Variants in KDM5B observed in about 807,000 individuals in gnomAD.
KDM5B encodes the protein lysine-specific demethylase 5B.
A neutral mutation model predicts 193.4 loss-of-function variants in KDM5B; 144 were observed. The ratio of observed to expected loss-of-function variants is 0.74; its 90% CI spans 0.65 to 0.86. KDM5B has a LOEUF of 0.86. Among genes scored for constraint, KDM5B ranks in the 40% least tolerant of loss-of-function variants. KDM5B has a pLI of 0.00. For missense variants in KDM5B, 1,833 were observed against 1,886.9 expected (o/e 0.97, Z 0.53); for synonymous variants, 668 against 682.6 (o/e 0.98, Z 0.33).
At chr1:202,773,354 T>TC in intron 3 of KDM5B, 66 bp from the exon 4 acceptor site, 3 of 1,376,124 alleles carry the variant, frequency 2.2e-6, no homozygotes, top group Non-Finnish European at 3.0e-6. Flanking sequence ...TAAGTATGAC[T>TC]CCAAGGGGAA....
rs1655394529 is a variant in KDM5B, at chr1:202,742,694, G to A, written c.2435C>T (p.Ser812Phe). ...GCCATTAAGCAACTGCTGCGCAACA[G>A]AGGCACACTTCTCTGCATCCTGTGT... ...LVTQDAEKCA[S>F]VAQQLLNGKR... Residue 812 changes from serine to phenylalanine, a missense_variant, in exon 17 of 27, where the codon TCT becomes TTT. Ser to Phe is a radical substitution (Grantham distance 155). Transcript: ENST00000367265. The A allele has an allele frequency of 1.2e-6, 2 of 1,614,204 alleles. No homozygotes were observed. The highest frequency in any genetic ancestry group is 8.5e-7 in the Non-Finnish European group (1 of 1,180,036).
intron 11 of KDM5B, 103 bp downstream of exon 11, chr1:202,755,168 G>T: frequency 4.8e-6 from 4 of 831,580 alleles, no homozygotes; most frequent in Non-Finnish European, 7.7e-6. Context: ...GAAAAAAGTA[G>T]TTCAATGCTC....
chr1:202,755,621 G>A (rs1400059629), intron 10 of KDM5B, among the ~76,000 whole-genome samples, 169 bp from the exon 11 acceptor site: 2 of 152,164 alleles, frequency 1.3e-5, no homozygotes, highest in Non-Finnish European at 2.9e-5. Context: ...CCAGTTTTGA[G>A]CTTTGTATAA....
rs556764470 is a variant in KDM5B at position 202,736,651 on chromosome 1, T to A, written c.3085-259A>T. Among the ~76,000 whole-genome samples, 24 of 152,116 alleles carry A rather than the reference T, an allele frequency of 1.6e-4. No individual in the cohort carries two copies. In the South Asian group the frequency reaches 4.8e-3, roughly 30 times the overall value. On this transcript the variant is annotated intron_variant, in intron 20 of 26. Transcript: ENST00000367265. ...GTGGTGGTGGTAGTGTTGTTTTTTT[T>A]TTCTTTTTTTAAGACGGAGTATCAC... is the stretch of plus-strand genomic sequence containing the variant.
chr1:202,759,216 T>C (rs891654136), intron 8 of KDM5B, among the ~76,000 whole-genome samples: 1 of 152,152 alleles, frequency 6.6e-6, no homozygotes, highest in Admixed American at 6.5e-5. Flanking sequence ...AGAAGGGTAA[T>C]AGACTGACTG....
In KDM5B at chr1:202,733,718, C is replaced by T. The variant is rs549414130; in HGVS notation, c.3592G>A (p.Ala1198Thr). Residue 1198 changes from alanine to threonine, a missense_variant, in exon 23 of 27, where the codon GCT (alanine) becomes ACT (threonine). This residue lies in a region of KDM5B where 1,379 missense variants were observed against 1,349.6 expected (regional missense o/e 1.02). Coordinates refer to ENST00000367265, the MANE Select transcript of KDM5B (RefSeq NM_006618.5). Reference protein sequence around the residue: ...PMIQCELCRDAFHTSCVAVPS... With the variant: ...PMIQCELCRDTFHTSCVAVPS... Reference sequence around the variant, plus strand: ...ACCGCCACACAACTGGTGTGGAAAGCATCCCTGCAGAGTTCACATTGAATC... The same window carrying T: ...ACCGCCACACAACTGGTGTGGAAAGTATCCCTGCAGAGTTCACATTGAATC... The T allele has an allele frequency of 1.9e-6, 3 of 1,614,162 alleles. No homozygotes were observed. In the South Asian group the frequency reaches 3.3e-5, roughly 18 times the overall value.
chr1:202,743,349 A>C (rs1655425750), intron 16 of KDM5B, among the ~76,000 whole-genome samples: 2 of 151,452 alleles, frequency 1.3e-5, no homozygotes, highest in African/African-American at 2.4e-5. Context: ...AAAAAAAAAA[A>C]AAAAAAAAAA....
At position 202,773,201 on chromosome 1, in the gene KDM5B, T is replaced by C; in HGVS notation, c.493A>G (p.Lys165Glu). 1 of 1,614,022 alleles carries C rather than the reference T, an allele frequency of 6.2e-7. No homozygotes were observed. The change falls in exon 4 of 27, where the codon AAA (lysine) becomes GAA (glutamate). Residue 165 changes from lysine to glutamate, a missense_variant. By Grantham distance (56) the Lys-to-Glu change is moderately conservative. This residue lies in a region of KDM5B where 355 missense variants were observed against 374.9 expected (regional missense o/e 0.95). Transcript: ENST00000367265. ...CCTCTGATATGTGAGCCCACTGCTT[T>C]GCCAGGAGCAAACCCCATCTTGGTA... ...IATKMGFAPGKAVGSHIRGHY... is the reference protein window; with the variant it reads ...IATKMGFAPGEAVGSHIRGHY...
At chr1:202,771,997 A>C (rs367918035) in intron 4 of KDM5B, among the ~76,000 whole-genome samples, 4 of 152,180 alleles carry the variant, frequency 2.6e-5, no homozygotes, top group African/African-American at 9.7e-5. Flanking sequence ...AAAAGTGTTC[A>C]CCTGGAATCA....
intron 1 of KDM5B, among the ~76,000 whole-genome samples, chr1:202,780,596 G>A (rs1364141501): frequency 6.6e-6 from 1 of 152,100 alleles, no homozygotes; most frequent in Admixed American, 6.6e-5. Context: ...AAGTTAAAAT[G>A]TAAGTATCAG....
intron 21 of KDM5B, 28 bp downstream of exon 21, chr1:202,736,185 C>CT: frequency 6.7e-7 from 1 of 1,487,416 alleles, no homozygotes; most frequent in Non-Finnish European, 9.0e-7. Context: ...GATCTAAGGT[C>CT]TTGCAGATGA....
intron 1 of KDM5B, among the ~76,000 whole-genome samples, chr1:202,789,345 A>AC (rs1178126312): frequency 1.3e-5 from 2 of 151,708 alleles, no homozygotes; most frequent in Non-Finnish European, 2.9e-5. Context: ...ACATGGTGAA[A>AC]CCCCATCTCT....
At position 202,731,928 on chromosome 1, in the gene KDM5B, A is replaced by C. The variant is rs1654899578; in HGVS notation, c.3921T>G (p.Pro1307=). The C allele has an allele frequency of 1.2e-6, 2 of 1,605,322 alleles. No individual in the cohort carries two copies. Among genetic ancestry groups the C allele is most frequent in the Non-Finnish European group, 1.7e-6 (2 of 1,174,316 alleles). The part of the protein sequence containing the change: ...QVSDTNKVSQ[P]PGTTSFSLPD... ...GCAAAGAAAATGATGTTGTGCCAGG[A>C]GGTTGAGATACCTAATGGAGGGAAA... Residue 1307 remains proline, a synonymous_variant, in exon 24 of 27, where the codon CCT becomes CCG. Coordinates refer to ENST00000367265, the MANE Select transcript of KDM5B (RefSeq NM_006618.5).
intron 13 of KDM5B, among the ~76,000 whole-genome samples, chr1:202,749,461 G>A (rs915230145): frequency 6.6e-6 from 1 of 152,154 alleles, no homozygotes; most frequent in Non-Finnish European, 1.5e-5. Flanking sequence ...GGAGGCTGAT[G>A]TGGAAGGATT....
At chr1:202,772,351 T>C (rs1034244808) in intron 4 of KDM5B, among the ~76,000 whole-genome samples, 4 of 152,186 alleles carry the variant, frequency 2.6e-5, no homozygotes, top group Non-Finnish European at 4.4e-5. Flanking sequence ...CTTGGCTACA[T>C]AGGAATTACT....
intron 23 of KDM5B, among the ~76,000 whole-genome samples, chr1:202,732,492 T>C (rs571013450): frequency 3.9e-4 from 59 of 152,300 alleles, no homozygotes; most frequent in African/African-American, 1.4e-3. Flanking sequence ...TGACTCCACT[T>C]TGGGAGTGTG....
chr1:202,808,037 G>A (rs1408971827), intron 1 of KDM5B, 65 bp downstream of exon 1: 4 of 1,536,454 alleles, frequency 2.6e-6, no homozygotes, highest in Admixed American at 1.9e-5. Context: ...GGGCCTCCCC[G>A]GACCCGCGCG....
chr1:202,786,853 C>A (rs549299195), intron 1 of KDM5B, among the ~76,000 whole-genome samples: 1 of 152,234 alleles, frequency 6.6e-6, no homozygotes, highest in East Asian at 1.9e-4. Flanking sequence ...TCGAGACCAG[C>A]CTGACCAACA....
chr1:202,775,123 G>A (rs1244230599), intron 2 of KDM5B, among the ~76,000 whole-genome samples: 4 of 151,468 alleles, frequency 2.6e-5, no homozygotes, highest in African/African-American at 9.7e-5. Flanking sequence ...TGTAATCCCA[G>A]CTACTCAGGA....
Sources: allele counts gnomAD v4.1 joint callset (sites outside exome capture counted in the v4.1 genomes callset), GRCh38; gene constraint gnomAD v4.1.1; regional missense constraint gnomAD v4.1.1; transcripts MANE v1.5; gene names NCBI Gene and HGNC (gene_info 2026-07-23, HGNC 2026-07-21).